Variants in AMZ1 observed in about 807,000 individuals in gnomAD.
The protein encoded by AMZ1 is archaelysin family metallopeptidase 1.
AMZ1 carries 39 observed loss-of-function variants against 29.9 expected under a neutral mutation model. The ratio of observed to expected loss-of-function variants is 1.30; its 90% CI spans 1.01 to 1.70. The LOEUF (loss-of-function observed/expected upper bound fraction) is 1.70, where lower values mean the gene tolerates loss of function less well. Ranked by LOEUF, AMZ1 falls within the 40% of genes most tolerant of loss-of-function variation. AMZ1 has a pLI of 0.00. For synonymous variants in AMZ1, 458 were observed against 304.0 expected, an observed-to-expected ratio of 1.51 and a Z score of -5.27; for missense variants, 1,041 against 680.6, an observed-to-expected ratio of 1.53 and a Z score of -5.89.
At chr7:2,722,290 T>C (rs1176785609), downstream of AMZ1, among the ~76,000 whole-genome samples, 1 of 147,294 alleles carries the variant, frequency 6.8e-6, no homozygotes. Flanking sequence ...TTTTTTTTTT[T>C]GAGACAGACT....
chr7:2,686,578 G>T (rs1344022483), upstream of AMZ1, among the ~76,000 whole-genome samples: 1 of 152,150 alleles, frequency 6.6e-6, no homozygotes, highest in Non-Finnish European at 1.5e-5. Context: ...AGGAGAAGGC[G>T]ATCAGAAGGA....
downstream of AMZ1, among the ~76,000 whole-genome samples, chr7:2,719,931 T>C (rs1789347050): frequency 6.6e-6 from 1 of 152,186 alleles, no homozygotes; most frequent in Admixed American, 6.5e-5. Context: ...TCCACCCGCC[T>C]TGGCCTCCCA....
downstream of AMZ1, among the ~76,000 whole-genome samples, chr7:2,724,414 T>G (rs936337146): frequency 1.3e-5 from 2 of 152,146 alleles, no homozygotes; most frequent in African/African-American, 4.8e-5. Flanking sequence ...ATGAAGTGAG[T>G]TCACTGTTAA....
At chr7:2,697,967 A>G (rs1787838643) in intron 1 of AMZ1, among the ~76,000 whole-genome samples, 1 of 152,254 alleles carries the variant, frequency 6.6e-6, no homozygotes, top group Non-Finnish European at 1.5e-5. Context: ...TTGTGTGCAC[A>G]CATGTATATA....
At chr7:2,745,342 A>AG (rs1239907094) in intron 4 of AMZ1, among the ~76,000 whole-genome samples, 7 of 152,398 alleles carry the variant, frequency 4.6e-5, no homozygotes, top group African/African-American at 1.7e-4. Flanking sequence ...TCTGCAAGCC[A>AG]GAAGAGAGTG....
chr7:2,687,100 G>A (rs1049449724), upstream of AMZ1, among the ~76,000 whole-genome samples: 3 of 151,928 alleles, frequency 2.0e-5, no homozygotes, highest in Admixed American at 2.0e-4. Context: ...AGGCTGAGGC[G>A]GGTGTATCAT....
intron 4 of AMZ1, among the ~76,000 whole-genome samples, chr7:2,756,800 A>G (rs1447097202): frequency 6.6e-6 from 1 of 152,108 alleles, no homozygotes; most frequent in African/African-American, 2.4e-5. Flanking sequence ...AGTTAGTCAA[A>G]GAGGAGGTGC....
intron 4 of AMZ1, among the ~76,000 whole-genome samples, chr7:2,745,527 C>T (rs891859460): frequency 2.6e-5 from 4 of 152,164 alleles, no homozygotes; most frequent in African/African-American, 9.7e-5. Context: ...AAGTGCTAAA[C>T]ATGGAAAGGA....
rs751206075 is a variant in AMZ1 at position 2,731,211 on chromosome 7, C to T, written n.550+21395C>T. 5.6e-6 allele frequency: 9 copies of T among 1,612,772 alleles called. No homozygotes were observed. The highest frequency in any genetic ancestry group is 1.3e-5 in the African/African-American group (1 of 74,978). Reference sequence around the variant, plus strand: ...GCAGCATGATGTCCTTCAGGTTCTCCTGCAGGATGGTGTCTTTCACAGCAT... The same window carrying T: ...GCAGCATGATGTCCTTCAGGTTCTCTTGCAGGATGGTGTCTTTCACAGCAT... On this transcript the variant is annotated intron_variant and non_coding_transcript_variant, in intron 4 of 4. Transcript: ENST00000489665. This position sits in a 1 kb window ranked among gnomAD's most constrained non-coding sequence, Gnocchi z 6.0.
rs778403754 is a variant in AMZ1, at chr7:2,700,694, C to A, written c.243C>A (p.His81Gln). 1 of 1,613,076 alleles carries A rather than the reference C, an allele frequency of 6.2e-7. No individual in the cohort carries two copies. The highest frequency in any genetic ancestry group is 1.1e-5 in the South Asian group (1 of 91,084). The change falls in exon 2 of 7, where the codon CAC becomes CAA. Residue 81 changes from histidine (H) to glutamine (Q), a missense_variant. Transcript: ENST00000683327. ...PEAPEDFQTF[H>Q]ASLQHRKPRL... ...CTCCCGAGGACTTCCAGACCTTCCACGCCTCCCTGCAGCACCGGAAGCCCC... is the reference window on the plus strand; with the variant it reads ...CTCCCGAGGACTTCCAGACCTTCCAAGCCTCCCTGCAGCACCGGAAGCCCC...
At chr7:2,752,284 A>T (rs1485078755) in intron 4 of AMZ1, among the ~76,000 whole-genome samples, 1 of 152,158 alleles carries the variant, frequency 6.6e-6, no homozygotes, top group Non-Finnish European at 1.5e-5. Flanking sequence ...ATAGAAAGAA[A>T]CTTCCTCAGT....
intron 4 of AMZ1, among the ~76,000 whole-genome samples, chr7:2,758,480 G>C (rs1199765397): frequency 1.3e-5 from 2 of 152,128 alleles, no homozygotes; most frequent in South Asian, 2.1e-4. Context: ...CACGCCCTGT[G>C]CAATTTCTTC....
chr7:2,740,673 A>C (rs1397010479), intron 4 of AMZ1, among the ~76,000 whole-genome samples: 1 of 152,212 alleles, frequency 6.6e-6, no homozygotes, highest in Non-Finnish European at 1.5e-5. Context: ...CAATGGGTTT[A>C]TGAGTATCTG....
intron 1 of AMZ1, among the ~76,000 whole-genome samples, chr7:2,690,341 C>G (rs1313348031): frequency 2.0e-5 from 3 of 152,202 alleles, no homozygotes; most frequent in Non-Finnish European, 4.4e-5. Context: ...ATCTCAGCCT[C>G]CCTAGTAGCT....
chr7:2,705,921 G>A (rs149579323), intron 3 of AMZ1, among the ~76,000 whole-genome samples: 1 of 152,344 alleles, frequency 6.6e-6, no homozygotes, highest in Admixed American at 6.5e-5. Context: ...TACACGGTGC[G>A]TCTCACCTGT....
Position 2,714,740 on chromosome 7 carries a change from G to A in AMZ1, c.*1862G>A, listed in dbSNP as rs987847399. ...GTGTTCGTTCACACGGCTGCCAAGT[G>A]GAATTTGGCTGGGAATCTCAGGCCT... On this transcript the variant is annotated 3_prime_UTR_variant, in exon 7 of 7. Transcript: ENST00000683327. 4 of 152,226 alleles carry A rather than the reference G, an allele frequency of 2.6e-5. No individual in the cohort carries two copies. The highest frequency in any genetic ancestry group is 2.9e-5 in the Non-Finnish European group (2 of 68,050). 9.4% of individuals were successfully genotyped at this position (152,226 alleles called of 1,614,324 possible).
In AMZ1 at chr7:2,708,673, T is replaced by G. The variant is rs1466343832; in HGVS notation, c.558T>G (p.His186Gln). ...LGLTLSDLYP[H>Q]EAWSFTFSKF... ...TCACACTGTCTGACCTGTACCCCCATGAGGCCTGGAGCTTCACCTTCAGCA... is the reference window on the plus strand; with the variant it reads ...TCACACTGTCTGACCTGTACCCCCAGGAGGCCTGGAGCTTCACCTTCAGCA... The change falls in exon 4 of 7, where the codon CAT (histidine) becomes CAG (glutamine). Residue 186 changes from histidine (H) to glutamine (Q), a missense_variant. Coordinates refer to ENST00000683327, the MANE Select transcript of AMZ1 (RefSeq NM_001384743.1). The G allele has an allele frequency of 1.2e-6, 2 of 1,613,204 alleles. No homozygotes were observed. The highest frequency in any genetic ancestry group is 1.3e-5 in the African/African-American group (1 of 75,052).
intron 4 of AMZ1, among the ~76,000 whole-genome samples, chr7:2,753,534 T>C (rs927344461): frequency 5.9e-5 from 9 of 152,190 alleles, no homozygotes. Context: ...CCCTTTTTAC[T>C]GCTGGGAGAA....
rs1215648360 is a variant in AMZ1 at position 2,717,526 on chromosome 7, C to T, written c.*4648C>T. Reference sequence around the variant, plus strand: ...CCAGAGCTGAAATCTAGCTGTGATCCCTGTGGGGCAACTGCACACAGAGGT... The same window carrying T: ...CCAGAGCTGAAATCTAGCTGTGATCTCTGTGGGGCAACTGCACACAGAGGT... On this transcript the variant is annotated 3_prime_UTR_variant, in exon 7 of 7. Transcript: ENST00000683327. 6.6e-6 allele frequency among the ~76,000 whole-genome samples: 1 copy of T among 152,222 alleles called. No homozygotes were observed. Among genetic ancestry groups the T allele is most frequent in the Non-Finnish European group, 1.5e-5 (1 of 68,042 alleles).
Sources: gnomAD v4.1 joint callset for allele counts (sites outside exome capture counted in the v4.1 genomes callset) on GRCh38, gnomAD v4.1.1 for gene constraint, Gnocchi (gnomAD v3.1) non-coding constraint, MANE v1.5 for transcripts, NCBI Gene and HGNC (gene_info 2026-07-23, HGNC 2026-07-21) for gene names.